GPR158: variants seen among roughly 807,000 people sequenced by gnomAD.
The protein encoded by GPR158 is G protein-coupled receptor 158, also known as metabotropic glycine receptor.
In GPR158, 30 loss-of-function variants were observed where a neutral mutation model predicts 78.2. The ratio of observed to expected loss-of-function variants is 0.38; its 90% CI spans 0.29 to 0.52. The LOEUF (loss-of-function observed/expected upper bound fraction) is 0.52, where lower values mean the gene tolerates loss of function less well. GPR158 is among the 20% of genes least tolerant of loss of function. The probability of loss-of-function intolerance (pLI) is 0.83; values close to 1 mark genes in which losing one functional copy is unlikely to be tolerated. For missense variants in GPR158, 1,463 were observed against 1,523.5 expected, an observed-to-expected ratio of 0.96 and a Z score of 0.66; for synonymous variants, 581 against 591.1, an observed-to-expected ratio of 0.98 and a Z score of 0.25.
intron 3 of GPR158, among the ~76,000 whole-genome samples, chr10:25,396,823 T>A (rs1834368293): frequency 6.6e-6 from 1 of 152,152 alleles, no homozygotes; most frequent in South Asian, 2.1e-4. Flanking sequence ...AGGTCTCACT[T>A]GGGTGTGATC....
At chr10:25,375,476 T>C (rs1255217062) in intron 2 of GPR158, among the ~76,000 whole-genome samples, 2 of 151,650 alleles carry the variant, frequency 1.3e-5, no homozygotes, top group Non-Finnish European at 3.0e-5. Context: ...CTTTTTTTTC[T>C]ACAATTCTTA....
At chr10:25,240,186 A>G (rs191258263) in intron 2 of GPR158, among the ~76,000 whole-genome samples, 1 of 152,330 alleles carries the variant, frequency 6.6e-6, no homozygotes, top group East Asian at 1.9e-4. Flanking sequence ...CACCATACGT[A>G]TCAAATAAGT....
At chr10:25,449,806 T>C (rs2130599399) in intron 4 of GPR158, among the ~76,000 whole-genome samples, 1 of 152,308 alleles carries the variant, frequency 6.6e-6, no homozygotes, top group African/African-American at 2.4e-5. Flanking sequence ...CCTCAATGTA[T>C]ACAGATATCA....
At chr10:25,433,210 A>T (rs956182975) in intron 4 of GPR158, among the ~76,000 whole-genome samples, 1 of 152,136 alleles carries the variant, frequency 6.6e-6, no homozygotes, top group Non-Finnish European at 1.5e-5. Context: ...TATCTCTCAC[A>T]CGTTTACAAT....
At chr10:25,522,448 C>A (rs1836290707) in intron 5 of GPR158, among the ~76,000 whole-genome samples, 1 of 152,150 alleles carries the variant, frequency 6.6e-6, no homozygotes, top group Admixed American at 6.5e-5. Flanking sequence ...TCCCTTGTAA[C>A]CCTGTTGATG....
At chr10:25,537,856 T>A (rs1244100671) in intron 5 of GPR158, among the ~76,000 whole-genome samples, 1 of 152,274 alleles carries the variant, frequency 6.6e-6, no homozygotes, top group African/African-American at 2.4e-5. Context: ...AAGATGTGCC[T>A]GCTTCCCCTT....
At chr10:25,376,000 C>T (rs568030159) in intron 2 of GPR158, among the ~76,000 whole-genome samples, 1 of 151,696 alleles carries the variant, frequency 6.6e-6, no homozygotes, top group Admixed American at 6.6e-5. Context: ...TATAGTGAAT[C>T]TTCCAATCCA....
At chr10:25,363,176 A>G (rs1855667791) in intron 2 of GPR158, among the ~76,000 whole-genome samples, 1 of 151,988 alleles carries the variant, frequency 6.6e-6, no homozygotes, top group South Asian at 2.1e-4. Flanking sequence ...TGGCAGCCAT[A>G]CCATAACTTT....
At chr10:25,191,270 T>A (rs1852767539) in intron 1 of GPR158, among the ~76,000 whole-genome samples, 1 of 152,202 alleles carries the variant, frequency 6.6e-6, no homozygotes, top group South Asian at 2.1e-4. Context: ...GTGAGGAAAA[T>A]GAGACCAAGG....
intron 2 of GPR158, among the ~76,000 whole-genome samples, chr10:25,310,226 T>C (rs543856614): frequency 6.6e-6 from 1 of 152,200 alleles, no homozygotes; most frequent in Non-Finnish European, 1.5e-5. Context: ...AAGGTTCATA[T>C]CTGCGCTCTC....
rs190484107 is a variant in GPR158, at chr10:25,263,549, G to A, written c.1008+42392G>A. Among the ~76,000 whole-genome samples, 521 of 151,802 alleles carry A rather than the reference G, an allele frequency of 3.4e-3. 2 individuals are homozygous for A. The highest frequency in any genetic ancestry group is 0.011 in the African/African-American group (464 of 41,348). ...TCAAAATGCTATTATATTTTATTTC[G>A]TGCTTAAAGATGCTGCTTCTCACTA... On this transcript the variant is annotated intron_variant, in intron 2 of 10. Transcript: ENST00000376351.
intron 2 of GPR158, 116 bp from the exon 3 acceptor site, chr10:25,395,795 T>A: frequency 1.9e-6 from 1 of 522,920 alleles, no homozygotes; most frequent in Non-Finnish European, 3.5e-6. Context: ...AGAGCTATTT[T>A]ATTTCTGGAA....
At chr10:25,222,992 A>G (rs913423888) in intron 2 of GPR158, among the ~76,000 whole-genome samples, 1 of 152,112 alleles carries the variant, frequency 6.6e-6, no homozygotes, top group African/African-American at 2.4e-5. Context: ...CTCCTTTTGG[A>G]AGATTGATTT....
intron 2 of GPR158, among the ~76,000 whole-genome samples, chr10:25,258,360 A>C (rs2130730859): frequency 6.6e-6 from 1 of 152,288 alleles, no homozygotes; most frequent in South Asian, 2.1e-4. Flanking sequence ...ATCTGACGTA[A>C]ATATCTTACC....
chr10:25,468,603 T>C (rs1835455439), intron 5 of GPR158, among the ~76,000 whole-genome samples: 1 of 152,144 alleles, frequency 6.6e-6, no homozygotes, highest in South Asian at 2.1e-4. Context: ...GTTGGAAAAA[T>C]TGAAATTGTT....
chr10:25,467,894 T>G (rs1275767183), intron 5 of GPR158, among the ~76,000 whole-genome samples: 1 of 152,186 alleles, frequency 6.6e-6, no homozygotes, highest in Non-Finnish European at 1.5e-5. Flanking sequence ...TTCCCGCTTC[T>G]GCCTCAAGTC....
At chr10:25,412,569 T>G in intron 4 of GPR158, 96 bp downstream of exon 4, 1 of 770,462 alleles carries the variant, frequency 1.3e-6, no homozygotes, top group Admixed American at 2.0e-5. Flanking sequence ...GCTTCCCTCC[T>G]AAGCAGCAGT....
intron 4 of GPR158, among the ~76,000 whole-genome samples, chr10:25,428,321 G>C (rs1036140424): frequency 1.3e-5 from 2 of 151,692 alleles, no homozygotes; most frequent in African/African-American, 4.8e-5. Context: ...CATTTGACTA[G>C]GTAACTTCTT....
At chr10:25,241,367 CTTTTCTCTCT>C (rs1853622584) in intron 2 of GPR158, among the ~76,000 whole-genome samples, 2 of 101,480 alleles carry the variant, frequency 2.0e-5, no homozygotes, top group South Asian at 6.2e-4. Context: ...TTTCTCTTTT[CTTTTCTCTCT>C]TCTCTTCTCT....
Sources: gnomAD v4.1 joint callset for allele counts (sites outside exome capture counted in the v4.1 genomes callset) on GRCh38, gnomAD v4.1.1 for gene constraint, MANE v1.5 for transcripts, NCBI Gene and HGNC (gene_info 2026-07-23, HGNC 2026-07-21) for gene names.